GNA15: variants seen among roughly 807,000 people sequenced by gnomAD.
GNA15 encodes the protein guanine nucleotide-binding protein subunit alpha-15.
A neutral mutation model predicts 40.1 loss-of-function variants in GNA15; 23 were observed. The observed-to-expected ratio is 0.57, with a 90% CI of 0.41 to 0.81. The LOEUF (loss-of-function observed/expected upper bound fraction) is 0.81, where lower values mean the gene tolerates loss of function less well. Ranked by LOEUF, GNA15 falls within the 40% of genes least tolerant of loss-of-function variation. GNA15 has a pLI of 0.00. For missense variants in GNA15, 522 were observed against 515.8 expected, an observed-to-expected ratio of 1.01 and a Z score of -0.12; for synonymous variants, 226 against 210.4, an observed-to-expected ratio of 1.07 and a Z score of -0.64.
intron 6 of GNA15, among the ~76,000 whole-genome samples, chr19:3,158,981 T>C (rs1054062007): frequency 2.0e-5 from 3 of 152,076 alleles, no homozygotes; most frequent in Admixed American, 1.3e-4. Flanking sequence ...CTATCCCTAA[T>C]TGGATAGCAA....
chr19:3,151,846 C>A lies in GNA15; in HGVS notation c.614+11C>A. On this transcript the variant is annotated intron_variant, in intron 4 of 6. Transcript: ENST00000262958. The surrounding 1 kb of genome is among the most constrained non-coding windows in gnomAD (Gnocchi z 5.0). ...GAAAACCAACCTGCGGTGAGCGCTC[C>A]ACCTAGGCCCAGCCTAGGGGGCAGG... 1 of 1,593,364 alleles carries A rather than the reference C, an allele frequency of 6.3e-7. No homozygotes were observed. The highest frequency in any genetic ancestry group is 8.6e-7 in the Non-Finnish European group (1 of 1,169,158).
At chr19:3,157,436 G>A (rs1017205388) in intron 5 of GNA15, among the ~76,000 whole-genome samples, 2 of 152,172 alleles carry the variant, frequency 1.3e-5, no homozygotes, top group Non-Finnish European at 2.9e-5. Flanking sequence ...ACCCCAGCAC[G>A]CTGGGAGGCC....
intron 5 of GNA15, 88 bp downstream of exon 5, chr19:3,156,040 C>G: frequency 3.9e-6 from 5 of 1,297,138 alleles, no homozygotes; most frequent in Non-Finnish European, 5.4e-6. Context: ...AGGGAGGGAT[C>G]CCTGCTCTTG....
At position 3,155,782 on chromosome 19, in the gene GNA15, GGCTCCTGA is replaced by G. The variant is rs780215439; in HGVS notation, c.615-36_615-29del. On this transcript the variant is annotated intron_variant, in intron 4 of 6. Coordinates refer to ENST00000262958, the MANE Select transcript of GNA15 (RefSeq NM_002068.4). The surrounding 1 kb of genome is among the most constrained non-coding windows in gnomAD (Gnocchi z 5.6). ...TGGGGGTTGGGGGTGTCACGGAGCAGGCTCCTGAGCTCTGAAAGGGGGCACCTCGGTTC... is the reference window on the plus strand; with the variant it reads ...TGGGGGTTGGGGGTGTCACGGAGCAGGCTCTGAAAGGGGGCACCTCGGTTC... 5.0e-6 allele frequency: 8 copies of G among 1,601,104 alleles called. No individual in the cohort carries two copies. The highest frequency in any genetic ancestry group is 6.8e-6 in the Non-Finnish European group (8 of 1,175,900).
chr19:3,145,348 TATATATATATA>T (rs1407024720), intron 1 of GNA15, among the ~76,000 whole-genome samples: 2 of 32,768 alleles, frequency 6.1e-5, no homozygotes, highest in African/African-American at 4.3e-4. Flanking sequence ...TATATATATA[TATATATATATA>T]TTTTTTTTTT....
chr19:3,148,498 TG>T, intron 1 of GNA15, 92 bp from the exon 2 acceptor site: 1 of 1,229,218 alleles, frequency 8.1e-7, no homozygotes, highest in Non-Finnish European at 1.1e-6. Context: ...CCAGGAGGCC[TG>T]GCGTGGAGTT....
At chr19:3,137,885 C>T (rs1365311548) in intron 1 of GNA15, among the ~76,000 whole-genome samples, 2 of 152,082 alleles carry the variant, frequency 1.3e-5, no homozygotes, top group Non-Finnish European at 2.9e-5. Context: ...CGCTTGAACC[C>T]AGGAGGCAGA....
At chr19:3,138,826 G>C (rs1317209526) in intron 1 of GNA15, among the ~76,000 whole-genome samples, 1 of 149,946 alleles carries the variant, frequency 6.7e-6, no homozygotes, top group African/African-American at 2.5e-5. Flanking sequence ...TTTTAGTAGA[G>C]ATGGGGTTCC....
chr19:3,157,941 T>C, intron 6 of GNA15, 60 bp downstream of exon 6: 1 of 1,348,592 alleles, frequency 7.4e-7, no homozygotes, highest in Admixed American at 1.7e-5. Flanking sequence ...CGAAGAGAGA[T>C]GCTAATCCAG....
At chr19:3,160,851 T>C (rs1180312744) in intron 6 of GNA15, among the ~76,000 whole-genome samples, 1 of 152,046 alleles carries the variant, frequency 6.6e-6, no homozygotes, top group Non-Finnish European at 1.5e-5. Context: ...CACATGGCTG[T>C]CTTCTCACCA....
intron 1 of GNA15, among the ~76,000 whole-genome samples, chr19:3,145,355 A>AT (rs1374760162): frequency 0.055 from 2,003 of 36,194 alleles, 40 homozygotes; most frequent in Non-Finnish European, 0.074. Context: ...ATATATATAT[A>AT]TATATTTTTT....
At chr19:3,146,941 C>T (rs1387122487) in intron 1 of GNA15, among the ~76,000 whole-genome samples, 2 of 152,080 alleles carry the variant, frequency 1.3e-5, no homozygotes, top group East Asian at 1.9e-4. Context: ...GCTCCAGCCA[C>T]AAGGGCCTCC....
intron 1 of GNA15, among the ~76,000 whole-genome samples, chr19:3,140,069 A>ATCTATCTG (rs1914546367): frequency 1.3e-5 from 2 of 151,178 alleles, no homozygotes; most frequent in Non-Finnish European, 2.9e-5. Flanking sequence ...CTATCTATCT[A>ATCTATCTG]TCTATCTATC....
chr19:3,139,892 G>T (rs1914536356), intron 1 of GNA15, among the ~76,000 whole-genome samples: 1 of 151,958 alleles, frequency 6.6e-6, no homozygotes, highest in Non-Finnish European at 1.5e-5. Context: ...AAATTAGCCA[G>T]GCGTGGTGGT....
chr19:3,154,099 G>A (rs1181208697), intron 4 of GNA15, among the ~76,000 whole-genome samples: 2 of 151,386 alleles, frequency 1.3e-5, no homozygotes, highest in Non-Finnish European at 2.9e-5. Flanking sequence ...TGGATAGACG[G>A]ATAGATGGAT....
At chr19:3,156,929 G>A (rs879548760) in intron 5 of GNA15, among the ~76,000 whole-genome samples, 2 of 152,168 alleles carry the variant, frequency 1.3e-5, no homozygotes, top group Non-Finnish European at 2.9e-5. Context: ...GTTCTAGGGG[G>A]TTAGGTCTTG....
At chr19:3,147,901 A>G (rs1460311312) in intron 1 of GNA15, among the ~76,000 whole-genome samples, 3 of 151,370 alleles carry the variant, frequency 2.0e-5, no homozygotes, top group African/African-American at 4.8e-5. Context: ...AAAAAAAAAA[A>G]AAAGAAGAGA....
chr19:3,144,655 A>G (rs1343230010), intron 1 of GNA15, among the ~76,000 whole-genome samples: 1 of 134,140 alleles, frequency 7.5e-6, no homozygotes, highest in African/African-American at 2.9e-5. Context: ...CAGCCTCCCA[A>G]GTAGCTGGAA....
In GNA15 at chr19:3,155,696, C is replaced by A; in HGVS notation, c.615-127C>A. On this transcript the variant is annotated intron_variant, in intron 4 of 6. Transcript: ENST00000262958. This position sits in a 1 kb window ranked among gnomAD's most constrained non-coding sequence, Gnocchi z 5.6. ...TCGCGGGAATGACATGGCAAATCCA[C>A]GAGAGGCTAGCACCTATTCTTGCTG... 1 of 1,096,522 alleles carries A rather than the reference C, an allele frequency of 9.1e-7. No homozygotes were observed. Among genetic ancestry groups the A allele is most frequent in the Non-Finnish European group, 1.3e-6 (1 of 766,022 alleles). 67.9% of individuals were successfully genotyped at this position (1,096,522 alleles called of 1,614,324 possible).
Sources: gnomAD v4.1 joint callset for allele counts (sites outside exome capture counted in the v4.1 genomes callset) on GRCh38, gnomAD v4.1.1 for gene constraint, Gnocchi (gnomAD v3.1) non-coding constraint, MANE v1.5 for transcripts, NCBI Gene and HGNC (gene_info 2026-07-23, HGNC 2026-07-21) for gene names.